The following PEAK1 variants were observed in gnomAD, a reference collection of about 807,000 sequenced individuals.
PEAK1 encodes pseudopodium enriched atypical kinase 1.
A neutral mutation model predicts 124.7 loss-of-function variants in PEAK1; 54 were observed. The observed-to-expected ratio is 0.43, with a 90% CI of 0.35 to 0.54. The LOEUF (loss-of-function observed/expected upper bound fraction) is 0.54. Among genes scored for constraint, PEAK1 ranks in the 20% least tolerant of loss-of-function variants. The probability of loss-of-function intolerance (pLI) is 0.01; values close to 1 mark genes in which losing one functional copy is unlikely to be tolerated. For synonymous variants in PEAK1, 719 were observed against 760.0 expected, an observed-to-expected ratio of 0.95 and a Z score of 0.89; for missense variants, 2,046 against 2,134.5, an observed-to-expected ratio of 0.96 and a Z score of 0.82.
chr15:77,147,385 TA>T (rs1391027362), intron 8 of PEAK1, among the ~76,000 whole-genome samples: 1 of 152,172 alleles, frequency 6.6e-6, no homozygotes, highest in Non-Finnish European at 1.5e-5. Context: ...ATCGGTTGAA[TA>T]AAGGGAGATA....
chr15:77,347,865 A>G, intron 2 of PEAK1: 1 of 984,404 alleles, frequency 1.0e-6, no homozygotes, highest in Non-Finnish European at 1.2e-6. Context: ...AAACAATGCT[A>G]CATTTAAAAA....
intron 8 of PEAK1, among the ~76,000 whole-genome samples, chr15:77,145,027 T>C (rs2054073196): frequency 6.6e-6 from 1 of 152,252 alleles, no homozygotes; most frequent in African/African-American, 2.4e-5. Context: ...GATTGTGTTC[T>C]AAATCTTGCC....
intron 1 of PEAK1, among the ~76,000 whole-genome samples, chr15:77,411,132 C>T (rs2072376132): frequency 6.7e-6 from 1 of 149,700 alleles, no homozygotes; most frequent in Non-Finnish European, 1.5e-5. Flanking sequence ...TCTAAGACCA[C>T]ATGTGAAAGA....
chr15:77,110,345 G>A lies in PEAK1; in HGVS notation c.*3811C>T, dbSNP rs1057396586. On this transcript the variant is annotated 3_prime_UTR_variant, in exon 10 of 10. Coordinates refer to ENST00000682557, the MANE Select transcript of PEAK1 (RefSeq NM_001385026.1). ...TGACCTCAGGTGATCTGCCCACCTC[G>A]CCCTCCTAAAGTGTTGGGATTACAG... 6.6e-6 allele frequency: 1 copy of A among 152,134 alleles called. No individual in the cohort carries two copies. Among genetic ancestry groups the A allele is most frequent in the Non-Finnish European group, 1.5e-5 (1 of 68,048 alleles). 9.4% of individuals were successfully genotyped at this position (152,134 alleles called of 1,614,324 possible). A position where few individuals can be genotyped will look rare whatever the true frequency, so the allele number is the denominator to read the frequency against.
At chr15:77,331,123 A>C (rs1343201811) in intron 2 of PEAK1, 2 of 586,696 alleles carry the variant, frequency 3.4e-6, no homozygotes, top group Non-Finnish European at 4.3e-6. Flanking sequence ...ATTATGTTTA[A>C]AATTTTTACT....
intron 8 of PEAK1, among the ~76,000 whole-genome samples, chr15:77,138,056 G>A (rs145208641): frequency 1.5e-3 from 223 of 152,286 alleles, no homozygotes; most frequent in African/African-American, 5.2e-3. Context: ...CATAAGATGT[G>A]ACTTGCTCCT....
At chr15:77,137,595 A>G (rs1360989751) in intron 8 of PEAK1, among the ~76,000 whole-genome samples, 1 of 152,158 alleles carries the variant, frequency 6.6e-6, no homozygotes, top group East Asian at 1.9e-4. Flanking sequence ...GTTCTGGCCA[A>G]TTTCTCCCAT....
intron 2 of PEAK1, among the ~76,000 whole-genome samples, chr15:77,329,479 T>C (rs994501485): frequency 3.3e-5 from 5 of 152,202 alleles, no homozygotes; most frequent in African/African-American, 1.2e-4. Flanking sequence ...ATCCCCTCTC[T>C]GCCAACCAGC....
Position 77,236,964 on chromosome 15 carries a change from A to C in PEAK1, c.-115+15403T>G, listed in dbSNP as rs375117790. ...CCTTCGCCTTCTGCCATAATTGTTA[A>C]GTTTCTTGAGGTCTTCCCAGCCATG... On this transcript the variant is annotated intron_variant, in intron 6 of 9. Transcript: ENST00000682557. Among the ~76,000 whole-genome samples, 82 of 152,210 alleles carry C rather than the reference A, an allele frequency of 5.4e-4. 3 individuals carry two copies. In the South Asian group the frequency reaches 0.016, roughly 30 times the overall value.
intron 2 of PEAK1, among the ~76,000 whole-genome samples, chr15:77,288,927 C>CAAAA (rs34321536): frequency 2.3e-5 from 2 of 86,178 alleles, no homozygotes; most frequent in Non-Finnish European, 4.6e-5. Flanking sequence ...GACTCCGTCT[C>CAAAA]AAAAAAAAAA....
intron 1 of PEAK1, chr15:77,401,548 T>C (rs1597613726): frequency 1.0e-6 from 1 of 977,488 alleles, no homozygotes; most frequent in Non-Finnish European, 1.2e-6. Context: ...CTTTTGTTTC[T>C]TAAAAAACTC....
chr15:77,247,563 C>T (rs1462992632), intron 6 of PEAK1, among the ~76,000 whole-genome samples: 1 of 142,146 alleles, frequency 7.0e-6, no homozygotes, highest in Non-Finnish European at 1.5e-5. Flanking sequence ...ACCTCCACCT[C>T]CTGGGTTCGA....
intron 6 of PEAK1, among the ~76,000 whole-genome samples, chr15:77,236,614 T>G (rs2060136566): frequency 6.6e-6 from 1 of 152,158 alleles, no homozygotes; most frequent in South Asian, 2.1e-4. Flanking sequence ...AATGCTGGAA[T>G]GAGTTAAGAC....
intron 2 of PEAK1, among the ~76,000 whole-genome samples, chr15:77,309,738 T>C (rs1216450989): frequency 1.3e-5 from 2 of 152,156 alleles, no homozygotes; most frequent in Admixed American, 6.5e-5. Context: ...CACAACTAAT[T>C]TGTCATTGCA....
chr15:77,340,264 C>T (rs191716201), intron 2 of PEAK1, among the ~76,000 whole-genome samples: 239 of 152,308 alleles, frequency 1.6e-3, no homozygotes, highest in African/African-American at 5.6e-3. Context: ...ATTAAGTCCA[C>T]TCATTGGGAT....
At chr15:77,276,885 T>TG (rs1176400287) in intron 5 of PEAK1, among the ~76,000 whole-genome samples, 1 of 151,938 alleles carries the variant, frequency 6.6e-6, no homozygotes, top group Non-Finnish European at 1.5e-5. Context: ...GATAATTAAA[T>TG]GGGGGGGACT....
intron 1 of PEAK1, chr15:77,381,287 T>C: frequency 1.1e-6 from 1 of 930,484 alleles, no homozygotes; most frequent in Non-Finnish European, 1.3e-6. Context: ...CAGTGATGTG[T>C]ACTTGTAGTT....
chr15:77,129,994 AT>A (rs2052721219), intron 9 of PEAK1, among the ~76,000 whole-genome samples: 1 of 152,216 alleles, frequency 6.6e-6, no homozygotes, highest in African/African-American at 2.4e-5. Flanking sequence ...TAAAAGAGAC[AT>A]TTATATTTAG....
Position 77,389,516 on chromosome 15 carries a change from G to T in PEAK1, c.-665-24291C>A, listed in dbSNP as rs187076198. On this transcript the variant is annotated intron_variant, in intron 1 of 9. Transcript: ENST00000682557. ...AAGAAAAAGAAACGTAACAAAGCTG[G>T]GATGATAACTTGTGGTTATACATGA... Among the ~76,000 whole-genome samples the T allele has an allele frequency of 3.8e-3, 575 of 152,162 alleles. 7 individuals are homozygous for T. Among genetic ancestry groups the T allele is most frequent in the Admixed American group, 6.7e-3 (102 of 15,270 alleles).
Sources: allele counts gnomAD v4.1 joint callset (sites outside exome capture counted in the v4.1 genomes callset), GRCh38; gene constraint gnomAD v4.1.1; transcripts MANE v1.5; gene names NCBI Gene and HGNC (gene_info 2026-07-23, HGNC 2026-07-21).